The following ARHGAP32 variants were observed in gnomAD, a reference collection of about 807,000 sequenced individuals.
ARHGAP32 encodes Rho GTPase activating protein 32, also known as rho GTPase-activating protein 32.
Under a neutral mutation model 186.5 loss-of-function variants are expected in ARHGAP32, and 51 were observed. That is an observed-to-expected ratio of 0.27 (90% CI 0.22 to 0.35). The LOEUF (loss-of-function observed/expected upper bound fraction) is 0.35, where lower values mean the gene tolerates loss of function less well. ARHGAP32 is among the 10% of genes least tolerant of loss of function. The probability of loss-of-function intolerance (pLI) is 1.00; values close to 1 mark genes in which losing one functional copy is unlikely to be tolerated. For synonymous variants in ARHGAP32, 950 were observed against 964.3 expected, an observed-to-expected ratio of 0.99 and a Z score of 0.27; for missense variants, 2,186 against 2,623.5, an observed-to-expected ratio of 0.83 and a Z score of 3.64.
At chr11:129,233,353 A>G (rs1944884405) in intron 1 of ARHGAP32, among the ~76,000 whole-genome samples, 1 of 152,158 alleles carries the variant, frequency 6.6e-6, no homozygotes, top group Admixed American at 6.5e-5. Flanking sequence ...ACTTTTGTAT[A>G]TGTTTGAGAA....
chr11:129,225,483 G>C (rs1292638313), intron 1 of ARHGAP32, among the ~76,000 whole-genome samples: 2 of 152,154 alleles, frequency 1.3e-5, no homozygotes, highest in Non-Finnish European at 2.9e-5. Flanking sequence ...CTGGTCCCAG[G>C]AGTTTAAGGA....
At chr11:129,163,665 A>G (rs1163998573) in intron 2 of ARHGAP32, among the ~76,000 whole-genome samples, 2 of 152,170 alleles carry the variant, frequency 1.3e-5, no homozygotes, top group Non-Finnish European at 2.9e-5. Flanking sequence ...CCTACTAATT[A>G]TAACACACAG....
chr11:129,075,909 G>A (rs1941025061), intron 6 of ARHGAP32, among the ~76,000 whole-genome samples: 1 of 152,184 alleles, frequency 6.6e-6, no homozygotes, highest in African/African-American at 2.4e-5. Flanking sequence ...GAGGAGGTTA[G>A]GCATTCTAAG....
At chr11:129,169,145 A>C (rs1269942081) in intron 1 of ARHGAP32, among the ~76,000 whole-genome samples, 1 of 152,218 alleles carries the variant, frequency 6.6e-6, no homozygotes, top group Non-Finnish European at 1.5e-5. Context: ...AGTATTTAAA[A>C]ATGTTTAAAT....
intron 12 of ARHGAP32, among the ~76,000 whole-genome samples, chr11:128,995,919 T>G (rs1946188060): frequency 6.6e-6 from 1 of 152,250 alleles, no homozygotes; most frequent in Admixed American, 6.5e-5. Context: ...CTTTTATTTC[T>G]ATTTAATTAT....
At chr11:129,172,850 A>G (rs1943797109) in intron 1 of ARHGAP32, among the ~76,000 whole-genome samples, 1 of 152,136 alleles carries the variant, frequency 6.6e-6, no homozygotes, top group African/African-American at 2.4e-5. Context: ...AGCAAGAAAG[A>G]TCTCAAATGG....
intron 6 of ARHGAP32, among the ~76,000 whole-genome samples, chr11:129,090,501 T>A (rs566523560): frequency 1.5e-4 from 23 of 152,288 alleles, no homozygotes; most frequent in Admixed American, 1.3e-3. Context: ...TAGGAACCAT[T>A]AATATCAACT....
chr11:129,010,747 C>T (rs1938040151), intron 11 of ARHGAP32, among the ~76,000 whole-genome samples: 1 of 152,260 alleles, frequency 6.6e-6, no homozygotes, highest in African/African-American at 2.4e-5. Flanking sequence ...GTAACTGTGT[C>T]AAAGTAAATA....
At chr11:129,050,082 TAA>T (rs918000241) in intron 10 of ARHGAP32, among the ~76,000 whole-genome samples, 8 of 152,240 alleles carry the variant, frequency 5.3e-5, no homozygotes, top group Admixed American at 4.6e-4. Flanking sequence ...CCAACAACAT[TAA>T]GTGATGACTT....
intron 2 of ARHGAP32, among the ~76,000 whole-genome samples, chr11:129,149,638 A>G (rs1943246019): frequency 6.6e-6 from 1 of 152,168 alleles, no homozygotes; most frequent in Admixed American, 6.5e-5. Flanking sequence ...TCTGAACATT[A>G]AGACTTGAGT....
At chr11:129,095,269 G>T (rs1352190576) in intron 5 of ARHGAP32, among the ~76,000 whole-genome samples, 1 of 152,202 alleles carries the variant, frequency 6.6e-6, no homozygotes, top group Non-Finnish European at 1.5e-5. Context: ...GCCTGGCAGA[G>T]ATACAAGAGA....
intron 21 of ARHGAP32, chr11:128,973,837 C>T (rs937618279): frequency 1.9e-6 from 1 of 518,770 alleles, no homozygotes; most frequent in South Asian, 3.6e-5. Flanking sequence ...AAGAGAAAAA[C>T]AGAATCAAGA....
At chr11:129,060,979 G>T (rs1940480086) in intron 10 of ARHGAP32, among the ~76,000 whole-genome samples, 1 of 151,856 alleles carries the variant, frequency 6.6e-6, no homozygotes, top group Admixed American at 6.6e-5. Context: ...AGACAACACA[G>T]GATTAAAACC....
chr11:128,971,344 C>T (rs1354765836), intron 22 of ARHGAP32, 185 bp from the exon 23 acceptor site: 3 of 551,564 alleles, frequency 5.4e-6, no homozygotes, highest in Admixed American at 3.3e-5. Flanking sequence ...TTTTGTACAA[C>T]ACCCAGTATT....
chr11:129,107,704 A>G (rs1449142373), intron 5 of ARHGAP32, among the ~76,000 whole-genome samples: 1 of 152,094 alleles, frequency 6.6e-6, no homozygotes, highest in Non-Finnish European at 1.5e-5. Flanking sequence ...CCCCGTCTCT[A>G]CTAAAAATAC....
intron 5 of ARHGAP32, among the ~76,000 whole-genome samples, chr11:129,122,582 T>G (rs1942558835): frequency 6.6e-6 from 1 of 152,150 alleles, no homozygotes; most frequent in Admixed American, 6.6e-5. Context: ...AAATCTCTAG[T>G]GCTATTTTAA....
intron 11 of ARHGAP32, among the ~76,000 whole-genome samples, chr11:129,009,027 G>A (rs1222789713): frequency 2.0e-5 from 3 of 152,040 alleles, no homozygotes; most frequent in Non-Finnish European, 4.4e-5. Flanking sequence ...AAATAATTTT[G>A]ACAAGATCCG....
intron 1 of ARHGAP32, among the ~76,000 whole-genome samples, chr11:129,172,990 G>GA (rs138385970): frequency 0.097 from 12,186 of 126,068 alleles, 520 homozygotes; most frequent in Middle Eastern, 0.11. Context: ...CCTCCAAAAA[G>GA]AAAAAAAAAA....
Position 129,055,292 on chromosome 11 carries a change from G to T in ARHGAP32, c.963+6988C>A, listed in dbSNP as rs1214138921. 2.0e-5 allele frequency among the ~76,000 whole-genome samples: 3 copies of T among 152,260 alleles called. No individual in the cohort carries two copies. The East Asian group carries it at 5.8e-4, about 29-fold the overall frequency. ...TTAAACTGGCAATTATCAAATGTTG[G>T]TGAGGATGTGGAACAGCAGAAACTC... On this transcript the variant is annotated intron_variant, in intron 10 of 22. Coordinates refer to ENST00000682385, the MANE Select transcript of ARHGAP32 (RefSeq NM_001378024.1).
Sources: gnomAD v4.1 joint callset for allele counts (sites outside exome capture counted in the v4.1 genomes callset) on GRCh38, gnomAD v4.1.1 for gene constraint, MANE v1.5 for transcripts, NCBI Gene and HGNC (gene_info 2026-07-23, HGNC 2026-07-21) for gene names.